GABRB3: variants seen among roughly 807,000 people sequenced by gnomAD.
GABRB3 encodes gamma-aminobutyric acid type A receptor subunit beta3.
In GABRB3, 14 loss-of-function variants were observed where a neutral mutation model predicts 52.1. The observed-to-expected ratio is 0.27, with a 90% CI of 0.18 to 0.42. The LOEUF (loss-of-function observed/expected upper bound fraction) is 0.42, where lower values mean the gene tolerates loss of function less well. GABRB3 is among the 10% of genes least tolerant of loss of function. GABRB3 has a pLI of 1.00. For synonymous variants in GABRB3, 260 were observed against 232.3 expected (o/e 1.12, Z -1.08); for missense variants, 307 against 609.1 (o/e 0.50, Z 5.22).
intron 3 of GABRB3, among the ~76,000 whole-genome samples, chr15:26,759,149 G>A (rs546889095): frequency 3.3e-5 from 5 of 152,174 alleles, no homozygotes; most frequent in South Asian, 2.1e-4. Context: ...GGTGCAGGCA[G>A]ACCAAAGTCT....
chr15:26,627,975 G>C (rs1282763653), intron 3 of GABRB3, among the ~76,000 whole-genome samples: 2 of 152,170 alleles, frequency 1.3e-5, no homozygotes, highest in Non-Finnish European at 2.9e-5. Context: ...AACTGCCACA[G>C]CTTTCAGCAA....
chr15:26,619,695 T>C (rs1403395320), intron 4 of GABRB3, among the ~76,000 whole-genome samples: 1 of 151,748 alleles, frequency 6.6e-6, no homozygotes, highest in Non-Finnish European at 1.5e-5. Flanking sequence ...AAATAAAAAA[T>C]AAAGAATGCA....
chr15:26,763,235 A>T (rs768975287), intron 3 of GABRB3, among the ~76,000 whole-genome samples: 11 of 152,166 alleles, frequency 7.2e-5, no homozygotes, highest in Non-Finnish European at 1.3e-4. Context: ...GGTCATAGGG[A>T]TGGCACTGTT....
intron 3 of GABRB3, among the ~76,000 whole-genome samples, chr15:26,710,389 G>A (rs1889254788): frequency 6.6e-6 from 1 of 152,128 alleles, no homozygotes; most frequent in East Asian, 1.9e-4. Flanking sequence ...AGCCTCTCCA[G>A]TAGCTGGGAT....
intron 8 of GABRB3, among the ~76,000 whole-genome samples, chr15:26,557,417 G>A (rs1889794983): frequency 6.6e-6 from 1 of 152,148 alleles, no homozygotes; most frequent in South Asian, 2.1e-4. Flanking sequence ...ATGTACCCTT[G>A]AAGCTAAGAT....
chr15:26,721,374 A>T (rs1427893772), intron 3 of GABRB3, among the ~76,000 whole-genome samples: 6 of 151,792 alleles, frequency 4.0e-5, no homozygotes, highest in African/African-American at 1.5e-4. Context: ...GAAGAAGAGG[A>T]CTCTAAATCA....
intron 8 of GABRB3, among the ~76,000 whole-genome samples, chr15:26,552,560 C>T (rs1889516599): frequency 6.6e-6 from 1 of 152,096 alleles, no homozygotes; most frequent in Non-Finnish European, 1.5e-5. Flanking sequence ...TGTGGGAGTG[C>T]TAGGGCCACA....
intron 3 of GABRB3, among the ~76,000 whole-genome samples, chr15:26,652,262 T>C (rs555697571): frequency 1.7e-4 from 26 of 152,336 alleles, no homozygotes; most frequent in Middle Eastern, 6.8e-3. Context: ...GCACAACCAA[T>C]GTATACCTTC....
intron 4 of GABRB3, among the ~76,000 whole-genome samples, chr15:26,590,905 C>T (rs895534608): frequency 3.3e-5 from 5 of 152,154 alleles, no homozygotes; most frequent in African/African-American, 1.2e-4. Flanking sequence ...AATATAAAGG[C>T]TGGAAGTGAC....
At chr15:26,611,857 A>G (rs1444763451) in intron 4 of GABRB3, 1 of 152,236 alleles carries the variant, frequency 6.6e-6, no homozygotes, top group Non-Finnish European at 1.5e-5. Context: ...AATGAAACAC[A>G]TTGGCAGTTT....
intron 7 of GABRB3, among the ~76,000 whole-genome samples, chr15:26,566,550 A>C: frequency 6.6e-6 from 1 of 152,088 alleles, no homozygotes. Flanking sequence ...ACATGGCGAA[A>C]CCCCATCTCT....
intron 7 of GABRB3, among the ~76,000 whole-genome samples, chr15:26,564,670 T>A (rs1733167563): frequency 6.6e-6 from 1 of 152,198 alleles, no homozygotes; most frequent in East Asian, 1.9e-4. Context: ...GCTATAAGAC[T>A]AGGTGCTTGG....
chr15:26,739,519 A>T (rs1890148717), intron 3 of GABRB3, among the ~76,000 whole-genome samples: 1 of 152,152 alleles, frequency 6.6e-6, no homozygotes, highest in African/African-American at 2.4e-5. Context: ...GCATTAATTA[A>T]TTCACCTTTC....
chr15:26,740,480 G>T (rs1035984208), intron 3 of GABRB3, among the ~76,000 whole-genome samples: 6 of 152,032 alleles, frequency 3.9e-5, no homozygotes, highest in Non-Finnish European at 5.9e-5. Context: ...CCTGGCAGGA[G>T]AAATGGCTGA....
At chr15:26,717,982 T>G (rs1160777535) in intron 3 of GABRB3, among the ~76,000 whole-genome samples, 1 of 152,238 alleles carries the variant, frequency 6.6e-6, no homozygotes, top group African/African-American at 2.4e-5. Flanking sequence ...AGTTTATCTC[T>G]CATTCTGTCT....
upstream of GABRB3, chr15:26,773,691 T>C (rs1422375356): frequency 2.5e-6 from 4 of 1,575,902 alleles, no homozygotes; most frequent in Non-Finnish European, 3.4e-6. Flanking sequence ...GAGAGCCAGA[T>C]GGGCAGCAGG....
At chr15:26,554,005 G>T (rs1889586572) in intron 8 of GABRB3, among the ~76,000 whole-genome samples, 3 of 54,786 alleles carry the variant, frequency 5.5e-5, no homozygotes, top group Non-Finnish European at 1.2e-4. Flanking sequence ...CTCCCGAGTA[G>T]CTGACACCTG....
intron 3 of GABRB3, among the ~76,000 whole-genome samples, chr15:26,676,284 G>C (rs1278814363): frequency 6.6e-6 from 1 of 152,148 alleles, no homozygotes. Flanking sequence ...CTCCCCCCAG[G>C]GTTTTTCCTC....
chr15:26,684,669 C>T (rs1888346129), intron 3 of GABRB3, among the ~76,000 whole-genome samples: 1 of 152,168 alleles, frequency 6.6e-6, no homozygotes, highest in African/African-American at 2.4e-5. Flanking sequence ...TCCGATAGTG[C>T]TAGGTCTCAG....
Sources: gnomAD v4.1 joint callset for allele counts (sites outside exome capture counted in the v4.1 genomes callset) on GRCh38, gnomAD v4.1.1 for gene constraint, MANE v1.5 for transcripts, NCBI Gene and HGNC (gene_info 2026-07-23, HGNC 2026-07-21) for gene names.